SLIT3: variants seen among roughly 807,000 people sequenced by gnomAD.
SLIT3 encodes slit homolog 3 protein.
SLIT3 carries 68 observed loss-of-function variants against 184.0 expected under a neutral mutation model. That is an observed-to-expected ratio of 0.37 (90% CI 0.30 to 0.45). The LOEUF is 0.45. Ranked by LOEUF, SLIT3 falls within the 20% of genes least tolerant of loss-of-function variation. SLIT3 has a pLI of 1.00. For synonymous variants in SLIT3, 831 were observed against 828.6 expected (o/e 1.00, Z -0.05); for missense variants, 1,707 against 2,026.0 (o/e 0.84, Z 3.02).
intron 3 of SLIT3, among the ~76,000 whole-genome samples, chr5:169,193,961 C>T (rs1213370325): frequency 6.6e-6 from 1 of 152,078 alleles, no homozygotes; most frequent in Non-Finnish European, 1.5e-5. Context: ...GGGCCAGGCA[C>T]GGTGGCTTAC....
At chr5:168,977,951 T>C (rs1754824144) in intron 4 of SLIT3, among the ~76,000 whole-genome samples, 1 of 151,924 alleles carries the variant, frequency 6.6e-6, no homozygotes, top group South Asian at 2.1e-4. Context: ...GGGCAGGAGG[T>C]GAAGTGAAGG....
rs377103765 is a variant in SLIT3 at position 169,300,549 on chromosome 5, G to A, written c.161C>T (p.Ala54Val). 1.3e-5 allele frequency: 19 copies of A among 1,510,234 alleles called. No individual in the cohort carries two copies. Among genetic ancestry groups the A allele is most frequent in the Non-Finnish European group, 1.7e-5 (19 of 1,132,736 alleles). The allele number at this position is 1,510,234 out of a possible 1,614,324, so 93.6% of individuals were successfully genotyped here. A position where few individuals can be genotyped will look rare whatever the true frequency, so the allele number is the denominator to read the frequency against. Residue 54 changes from alanine to valine, a missense_variant, in exon 1 of 36, where the codon GCG becomes GTG. Ala to Val is a moderately conservative substitution (Grantham distance 64, BLOSUM62 0). Around this residue, in one of 3 missense-constraint regions of SLIT3, gnomAD observed 1,307 missense variants for 1,511.6 expected, o/e 0.86. Coordinates refer to ENST00000519560, the MANE Select transcript of SLIT3 (RefSeq NM_003062.4). This position sits in a 1 kb window ranked among gnomAD's most constrained non-coding sequence, Gnocchi z 4.1. ...SVDCHGLGLR[A>V]VPRGIPRNAE... ...GTTGCGGGGGATGCCCCGAGGAACC[G>A]CGCGGAGGCCCAGCCCGTGGCAGTC... is the stretch of plus-strand genomic sequence containing the variant.
chr5:169,167,637 A>G (rs1021234868), intron 4 of SLIT3, among the ~76,000 whole-genome samples: 1 of 152,116 alleles, frequency 6.6e-6, no homozygotes, highest in Non-Finnish European at 1.5e-5. Flanking sequence ...GCGAAGTACT[A>G]TGATCATGCC....
At chr5:168,907,942 G>T (rs1250732153) in intron 4 of SLIT3, among the ~76,000 whole-genome samples, 2 of 53,538 alleles carry the variant, frequency 3.7e-5, no homozygotes, top group African/African-American at 6.9e-5. Flanking sequence ...TATATTATAC[G>T]TGTATATATA....
chr5:169,224,366 ATTAT>A (rs1216053818), intron 3 of SLIT3, among the ~76,000 whole-genome samples: 1 of 117,080 alleles, frequency 8.5e-6, no homozygotes, highest in African/African-American at 3.1e-5. Flanking sequence ...AAAATTTTTT[ATTAT>A]TTATTTATTT....
chr5:169,259,174 G>A (rs554244380), intron 1 of SLIT3, among the ~76,000 whole-genome samples: 2 of 152,234 alleles, frequency 1.3e-5, no homozygotes, highest in South Asian at 2.1e-4. Flanking sequence ...CCAGGTTCAA[G>A]TGATCCTCCC....
At chr5:168,748,888 G>A (rs1754598674) in intron 19 of SLIT3, among the ~76,000 whole-genome samples, 1 of 152,184 alleles carries the variant, frequency 6.6e-6, no homozygotes, top group Non-Finnish European at 1.5e-5. Context: ...AGTTGATCAA[G>A]TAAAGAACTG....
At chr5:168,955,323 G>A (rs1358536705) in intron 4 of SLIT3, among the ~76,000 whole-genome samples, 1 of 152,186 alleles carries the variant, frequency 6.6e-6, no homozygotes, top group African/African-American at 2.4e-5. Context: ...AGACAGCAGT[G>A]CTCCCTAGAG....
chr5:168,959,189 A>G (rs10054320), intron 4 of SLIT3, among the ~76,000 whole-genome samples: 79,966 of 152,136 alleles, frequency 0.53, 23,919 homozygotes, highest in African/African-American at 0.83. Flanking sequence ...TGAGAACTTC[A>G]AAGCCTGGGT....
At chr5:168,845,752 A>C (rs1224240611) in intron 5 of SLIT3, among the ~76,000 whole-genome samples, 1 of 152,226 alleles carries the variant, frequency 6.6e-6, no homozygotes, top group Non-Finnish European at 1.5e-5. Context: ...CATAAAAAAC[A>C]ACAAAAAAGG....
At chr5:168,819,664 G>A (rs1003955904) in intron 7 of SLIT3, among the ~76,000 whole-genome samples, 5 of 152,170 alleles carry the variant, frequency 3.3e-5, no homozygotes, top group Non-Finnish European at 7.3e-5. Flanking sequence ...CAAAAATGAC[G>A]TTTAGGTAAG....
Position 168,671,232 on chromosome 5 carries a change from C to A in SLIT3, c.4093G>T (p.Asp1365Tyr). ...AGGCAGGGGTCCCGGGCCTCCTGAT[C>A]GCAGAGTGGGCCGGTCCAGCCTGGG... ...CRPGWTGPLC[D>Y]QEARDPCLGH... Residue 1365 changes from aspartate (D) to tyrosine (Y), a missense_variant, in exon 34 of 36, where the codon GAT becomes TAT. Asp to Tyr is a radical substitution (Grantham distance 160). Transcript: ENST00000519560. The A allele has an allele frequency of 2.5e-6, 4 of 1,612,008 alleles. No individual in the cohort carries two copies. Among genetic ancestry groups the A allele is most frequent in the Admixed American group, 1.7e-5 (1 of 59,966 alleles).
intron 6 of SLIT3, among the ~76,000 whole-genome samples, chr5:168,839,726 A>G (rs1458210243): frequency 1.3e-5 from 2 of 152,012 alleles, no homozygotes; most frequent in Admixed American, 6.6e-5. Context: ...CCTAAATAAT[A>G]CCCAAAACTT....
chr5:168,805,572 G>A (rs1561942586), intron 9 of SLIT3, among the ~76,000 whole-genome samples: 1 of 152,186 alleles, frequency 6.6e-6, no homozygotes, highest in Admixed American at 6.5e-5. Flanking sequence ...ATTTTAGAAT[G>A]AGATACTGGC....
chr5:168,668,617 G>C lies in SLIT3; in HGVS notation c.4336+1166C>G, dbSNP rs78331959. Among the ~76,000 whole-genome samples the C allele has an allele frequency of 4.1e-3, 625 of 152,308 alleles. 2 individuals are homozygous for C. The highest frequency in any genetic ancestry group is 0.014 in the African/African-American group (591 of 41,572). The stretch of plus-strand genomic sequence containing the variant: ...ACTTTTGTCTTTTCTTGGAGACAGG[G>C]TCTGTCTCTGTCACCTGGGCTGGAG... On this transcript the variant is annotated intron_variant, in intron 35 of 35. Transcript: ENST00000519560.
At position 168,696,411 on chromosome 5, in the gene SLIT3, A is replaced by G. The variant is rs200464509; in HGVS notation, c.2963T>C (p.Phe988Ser). The change falls in exon 28 of 36, where the codon TTT becomes TCT. Residue 988 changes from phenylalanine to serine, a missense_variant. Coordinates refer to ENST00000519560, the MANE Select transcript of SLIT3 (RefSeq NM_003062.4). ...GTTGATCTCACACCGCTGCCCCTCA[A>G]AGCCCAGAGGGCAGGAGCAGCTTTG... ...DGFSCSCPLG[F>S]EGQRCEINPD... 1 of 1,614,048 alleles carries G rather than the reference A, an allele frequency of 6.2e-7. No homozygotes were observed.
intron 27 of SLIT3, among the ~76,000 whole-genome samples, chr5:168,697,334 C>T (rs1480125492): frequency 1.3e-5 from 2 of 152,196 alleles, no homozygotes; most frequent in Non-Finnish European, 2.9e-5. Context: ...ATAAAAACCT[C>T]AACTGCCTGC....
At chr5:169,253,509 G>A (rs138580858) in intron 1 of SLIT3, among the ~76,000 whole-genome samples, 2 of 152,270 alleles carry the variant, frequency 1.3e-5, no homozygotes, top group Non-Finnish European at 2.9e-5. Context: ...CACTTACTGA[G>A]TGATCTAATG....
Position 168,710,882 on chromosome 5 carries a change from G to A in SLIT3, c.2719+13C>T. ...AGAGGGGCAGGGGAGGGTGGGGTGT[G>A]GGCGTCACCTACCTTTGCACTGGAA... On this transcript the variant is annotated intron_variant, in intron 25 of 35. Coordinates refer to ENST00000519560, the MANE Select transcript of SLIT3 (RefSeq NM_003062.4). The A allele has an allele frequency of 6.6e-7, 1 of 1,510,438 alleles. No homozygotes were observed. Among genetic ancestry groups the A allele is most frequent in the Non-Finnish European group, 8.9e-7 (1 of 1,121,830 alleles). 93.6% of individuals were successfully genotyped at this position (1,510,438 alleles called of 1,614,324 possible).
Sources: allele counts gnomAD v4.1 joint callset (sites outside exome capture counted in the v4.1 genomes callset), GRCh38; gene constraint gnomAD v4.1.1; regional missense constraint gnomAD v4.1.1; non-coding constraint Gnocchi (gnomAD v3.1); transcripts MANE v1.5; gene names NCBI Gene and HGNC (gene_info 2026-07-23, HGNC 2026-07-21).